The following NRXN1 variants were observed in gnomAD, a reference collection of about 807,000 sequenced individuals.
The protein encoded by NRXN1 is neurexin-1.
In NRXN1, 39 loss-of-function variants were observed where a neutral mutation model predicts 150.9. The observed-to-expected ratio is 0.26, with a 90% confidence interval of 0.20 to 0.34. The LOEUF is 0.34. NRXN1 is among the 10% of genes least tolerant of loss of function. The probability of loss-of-function intolerance (pLI) is 1.00; values close to 1 mark genes in which losing one functional copy is unlikely to be tolerated. For missense variants in NRXN1, 1,815 were observed against 1,949.9 expected (o/e 0.93, Z 1.30); for synonymous variants, 924 against 757.0 (o/e 1.22, Z -3.62).
chr2:50,828,846 C>T (rs537281880), intron 5 of NRXN1, among the ~76,000 whole-genome samples: 1 of 152,328 alleles, frequency 6.6e-6, no homozygotes, highest in Non-Finnish European at 1.5e-5. Flanking sequence ...GCAGAGGCTG[C>T]ACTCTCGGCA....
At chr2:50,131,573 A>T (rs965084262) in intron 18 of NRXN1, among the ~76,000 whole-genome samples, 1 of 152,200 alleles carries the variant, frequency 6.6e-6, no homozygotes, top group Admixed American at 6.5e-5. Flanking sequence ...ACTAAGTTCA[A>T]TAAATGTTTC....
intron 17 of NRXN1, among the ~76,000 whole-genome samples, chr2:50,251,609 T>C (rs1296581197): frequency 6.6e-6 from 1 of 152,174 alleles, no homozygotes; most frequent in Non-Finnish European, 1.5e-5. Context: ...ATTGGCACAC[T>C]GTCTTCCACA....
At chr2:50,646,671 C>A (rs753272009) in intron 5 of NRXN1, among the ~76,000 whole-genome samples, 4 of 149,010 alleles carry the variant, frequency 2.7e-5, no homozygotes, top group African/African-American at 9.9e-5. Flanking sequence ...ATTCCTCAAA[C>A]GGTGTAATTT....
chr2:50,409,626 G>C (rs1263822293), intron 17 of NRXN1, among the ~76,000 whole-genome samples: 1 of 152,162 alleles, frequency 6.6e-6, no homozygotes, highest in South Asian at 2.1e-4. Context: ...GGATTTTAAA[G>C]AACACTCGAC....
chr2:50,854,503 C>T (rs575142308), intron 5 of NRXN1, among the ~76,000 whole-genome samples: 2 of 152,176 alleles, frequency 1.3e-5, no homozygotes, highest in African/African-American at 2.4e-5. Context: ...CAATAGCCTA[C>T]CTTTAAGCTG....
At chr2:50,492,341 A>G (rs2091298869) in intron 15 of NRXN1, among the ~76,000 whole-genome samples, 1 of 152,186 alleles carries the variant, frequency 6.6e-6, no homozygotes, top group South Asian at 2.1e-4. Flanking sequence ...GTGTCATGAG[A>G]GATAAGCTGA....
intron 17 of NRXN1, among the ~76,000 whole-genome samples, chr2:50,354,121 G>GA (rs1486335213): frequency 6.6e-6 from 1 of 152,148 alleles, no homozygotes; most frequent in African/African-American, 2.4e-5. Context: ...CCTAAGCATA[G>GA]ATCATAGTGC....
chr2:50,441,792 A>G (rs2104454824), intron 17 of NRXN1, among the ~76,000 whole-genome samples: 1 of 152,298 alleles, frequency 6.6e-6, no homozygotes, highest in South Asian at 2.1e-4. Flanking sequence ...AATTTTATTG[A>G]AAATTTCTGA....
At chr2:50,164,144 C>T (rs781271210) in intron 18 of NRXN1, among the ~76,000 whole-genome samples, 6 of 152,136 alleles carry the variant, frequency 3.9e-5, no homozygotes, top group Admixed American at 2.0e-4. Context: ...CATTTAATTA[C>T]ATTGACATTT....
In NRXN1 at chr2:50,506,522, T is replaced by C. The variant is rs868079047; in HGVS notation, c.2470A>G (p.Thr824Ala). 6.2e-7 allele frequency: 1 copy of C among 1,613,004 alleles called. No homozygotes were observed. The stretch of plus-strand genomic sequence containing the variant: ...GTCATGGCCTGTTGGTCATCCACTG[T>C]TAACTTTAAACTTTTTCCACGCCGA... ...VVRRGKSLKL[T>A]VDDQQAMTGQ... The change falls in exon 13 of 23, where the codon ACA becomes GCA. Residue 824 changes from threonine to alanine, a missense_variant. Around this residue, in one of 6 missense-constraint regions of NRXN1, gnomAD observed 638 missense variants for 652.6 expected, o/e 0.98. Coordinates refer to ENST00000401669, the MANE Select transcript of NRXN1 (RefSeq NM_001330078.2).
chr2:50,002,939 C>T (rs1487397015), intron 21 of NRXN1, among the ~76,000 whole-genome samples: 1 of 152,044 alleles, frequency 6.6e-6, no homozygotes. Context: ...ACAAAACAGT[C>T]TTGAAACCTC....
At chr2:50,743,227 C>G (rs549693642) in intron 5 of NRXN1, among the ~76,000 whole-genome samples, 2 of 152,246 alleles carry the variant, frequency 1.3e-5, no homozygotes, top group South Asian at 4.1e-4. Context: ...GTCTTTGTTG[C>G]TATCAGTTTG....
At position 50,236,882 on chromosome 2, in the gene NRXN1, T is replaced by A; in HGVS notation, c.3453A>T (p.Arg1151Ser). ...PNDRPSTRAD[R>S]LAIGFSTVQK... ...GAACAGTGCTAAAACCTATGGCCAGTCTGTCTGCTCGTGTACTGGGTCGGT... is the reference window on the plus strand; with the variant it reads ...GAACAGTGCTAAAACCTATGGCCAGACTGTCTGCTCGTGTACTGGGTCGGT... Residue 1151 changes from arginine (R) to serine (S), a missense_variant, in exon 18 of 23, where the codon AGA becomes AGT. Transcript: ENST00000401669. 1.2e-6 allele frequency: 2 copies of A among 1,613,336 alleles called. No homozygotes were observed. The highest frequency in any genetic ancestry group is 1.7e-6 in the Non-Finnish European group (2 of 1,179,646).
intron 9 of NRXN1, among the ~76,000 whole-genome samples, chr2:50,549,901 C>CAT (rs35033573): frequency 1.3e-5 from 2 of 151,852 alleles, no homozygotes; most frequent in Admixed American, 6.6e-5. Flanking sequence ...TGTACATATG[C>CAT]ATATATATAC....
intron 17 of NRXN1, among the ~76,000 whole-genome samples, chr2:50,295,403 T>C (rs969397340): frequency 2.0e-5 from 3 of 152,206 alleles, no homozygotes; most frequent in Admixed American, 6.5e-5. Flanking sequence ...TTTTCTATTT[T>C]TCTTCTACTC....
At chr2:50,639,962 T>A (rs1490907684) in intron 5 of NRXN1, among the ~76,000 whole-genome samples, 2 of 152,160 alleles carry the variant, frequency 1.3e-5, no homozygotes, top group South Asian at 4.1e-4. Context: ...AGACTCTATA[T>A]CATTTTGTAA....
chr2:50,156,841 C>A (rs2059050726), intron 18 of NRXN1, among the ~76,000 whole-genome samples: 1 of 151,948 alleles, frequency 6.6e-6, no homozygotes, highest in Non-Finnish European at 1.5e-5. Flanking sequence ...TTACCTGCAA[C>A]ATGTAAAGCA....
intron 5 of NRXN1, among the ~76,000 whole-genome samples, chr2:50,887,178 C>A (rs10490171): frequency 9.3e-5 from 14 of 151,214 alleles, no homozygotes; most frequent in African/African-American, 3.4e-4. Context: ...ACTACAATTA[C>A]GTTAGACTGT....
intron 21 of NRXN1, among the ~76,000 whole-genome samples, chr2:49,963,493 C>T (rs971975705): frequency 6.6e-6 from 1 of 152,156 alleles, no homozygotes; most frequent in African/African-American, 2.4e-5. Context: ...TGTCTCTGTC[C>T]ATTTTACAAG....
Sources: gnomAD v4.1 joint callset for allele counts (sites outside exome capture counted in the v4.1 genomes callset) on GRCh38, gnomAD v4.1.1 for gene constraint, gnomAD v4.1.1 regional missense constraint, MANE v1.5 for transcripts, NCBI Gene and HGNC (gene_info 2026-07-23, HGNC 2026-07-21) for gene names.